The following STIM1 variants were observed in gnomAD, a reference collection of about 807,000 sequenced individuals.
STIM1 encodes the protein stromal interaction molecule 1.
In STIM1, 25 loss-of-function variants were observed where a neutral mutation model predicts 74.7. That is an observed-to-expected ratio of 0.33 (90% CI 0.24 to 0.47). The LOEUF (loss-of-function observed/expected upper bound fraction) is 0.47. Among genes scored for constraint, STIM1 ranks in the 20% least tolerant of loss-of-function variants. STIM1 has a pLI of 1.00. For synonymous variants in STIM1, 328 were observed against 348.8 expected (o/e 0.94, Z 0.66); for missense variants, 728 against 920.8 (o/e 0.79, Z 2.71).
intron 2 of STIM1, among the ~76,000 whole-genome samples, chr11:3,968,453 C>T (rs1286403617): frequency 6.6e-6 from 1 of 152,162 alleles, no homozygotes; most frequent in Non-Finnish European, 1.5e-5. Context: ...TGCCAGCCTA[C>T]CTTTGAGTTT....
chr11:3,985,113 G>A (rs1414476032), intron 2 of STIM1, among the ~76,000 whole-genome samples: 1 of 152,110 alleles, frequency 6.6e-6, no homozygotes, highest in East Asian at 1.9e-4. Flanking sequence ...TCCCCCAGAT[G>A]GTACCCCTCA....
intron 2 of STIM1, among the ~76,000 whole-genome samples, chr11:4,005,651 G>C (rs568508784): frequency 1.3e-5 from 2 of 151,932 alleles, no homozygotes; most frequent in Non-Finnish European, 2.9e-5. Context: ...AATGGGTGCA[G>C]CACACCAGCA....
intron 1 of STIM1, among the ~76,000 whole-genome samples, chr11:3,860,545 C>T (rs2090556173): frequency 6.6e-6 from 1 of 152,222 alleles, no homozygotes; most frequent in Non-Finnish European, 1.5e-5. Context: ...GAGTAAGTGA[C>T]TAACCCTGCC....
chr11:4,088,055 A>G (rs1335104764), intron 12 of STIM1, among the ~76,000 whole-genome samples: 1 of 152,090 alleles, frequency 6.6e-6, no homozygotes, highest in Non-Finnish European at 1.5e-5. Context: ...CCATTCCAGA[A>G]TACTCCGTTG....
At position 3,934,124 on chromosome 11, in the gene STIM1, G is replaced by A. The variant is rs573681874; in HGVS notation, c.140-33428G>A. On this transcript the variant is annotated intron_variant, in intron 1 of 12. Transcript: ENST00000526596. The stretch of plus-strand genomic sequence containing the variant: ...TCACAGAGTTGTCAGGGTTGTGTAC[G>A]GGGTGGGAGAGGGGTCTGTGTATAA... 7.9e-5 allele frequency among the ~76,000 whole-genome samples: 12 copies of A among 152,262 alleles called. No homozygotes were observed. The South Asian group carries it at 2.5e-3, about 32-fold the overall frequency.
At chr11:4,053,344 A>G (rs544843412) in intron 3 of STIM1, among the ~76,000 whole-genome samples, 2 of 152,340 alleles carry the variant, frequency 1.3e-5, no homozygotes, top group East Asian at 3.9e-4. Flanking sequence ...ATGTCCATCA[A>G]CGATAGATTG....
chr11:3,874,477 T>A (rs2091246104), intron 1 of STIM1, among the ~76,000 whole-genome samples: 1 of 152,256 alleles, frequency 6.6e-6, no homozygotes. Flanking sequence ...AATAATTTGC[T>A]TGATTGTCAT....
intron 1 of STIM1, among the ~76,000 whole-genome samples, chr11:3,916,471 A>G (rs2092645514): frequency 3.2e-5 from 4 of 123,394 alleles, no homozygotes; most frequent in South Asian, 5.2e-4. Flanking sequence ...TTTTTTTTTG[A>G]CGAAGTCTCA....
rs142294101 is a variant in STIM1 at position 3,965,019 on chromosome 11, C to T, written c.140-2533C>T. On this transcript the variant is annotated intron_variant, in intron 1 of 12. Transcript: ENST00000526596. Reference sequence around the variant, plus strand: ...GGATCACAGGTGTGAGCCACCACAGCCAGCCTTGGATTTCTTTCTTTTAGG... The same window carrying T: ...GGATCACAGGTGTGAGCCACCACAGTCAGCCTTGGATTTCTTTCTTTTAGG... Among the ~76,000 whole-genome samples the T allele has an allele frequency of 1.1e-4, 16 of 152,308 alleles. No homozygotes were observed. In the East Asian group the frequency reaches 3.1e-3, roughly 29 times the overall value.
intron 5 of STIM1, among the ~76,000 whole-genome samples, chr11:4,065,425 A>T (rs1334977966): frequency 6.7e-6 from 1 of 150,372 alleles, no homozygotes; most frequent in African/African-American, 2.4e-5. Context: ...AGGCATGCTC[A>T]ACTCTTTCCT....
chr11:3,912,916 G>A (rs2092588307), intron 1 of STIM1, among the ~76,000 whole-genome samples: 1 of 152,160 alleles, frequency 6.6e-6, no homozygotes, highest in African/African-American at 2.4e-5. Flanking sequence ...CTTAAAAACA[G>A]TATGTGGTGC....
intron 11 of STIM1, among the ~76,000 whole-genome samples, chr11:4,085,079 T>C (rs553712857): frequency 6.6e-6 from 1 of 151,982 alleles, no homozygotes; most frequent in South Asian, 2.1e-4. Flanking sequence ...AATGACCCCT[T>C]TCTTTTCTCT....
At chr11:4,052,916 C>T (rs551242062) in intron 3 of STIM1, among the ~76,000 whole-genome samples, 96 of 152,256 alleles carry the variant, frequency 6.3e-4, no homozygotes, top group African/African-American at 1.2e-3. Flanking sequence ...AAAAAGTAGG[C>T]GAAGGATATG....
At chr11:4,037,547 C>T (rs546116120) in intron 3 of STIM1, among the ~76,000 whole-genome samples, 11 of 152,220 alleles carry the variant, frequency 7.2e-5, no homozygotes, top group East Asian at 1.9e-4. Flanking sequence ...CTTTATCCTT[C>T]GTGGTAATCT....
At chr11:3,972,827 C>T (rs568588875) in intron 2 of STIM1, 66 of 473,010 alleles carry the variant, frequency 1.4e-4, no homozygotes, top group African/African-American at 1.3e-3. Flanking sequence ...GCCATAGCTA[C>T]TGACTGGAAC....
At chr11:3,941,485 A>G (rs543726635) in intron 1 of STIM1, among the ~76,000 whole-genome samples, 1 of 152,030 alleles carries the variant, frequency 6.6e-6, no homozygotes, top group Non-Finnish European at 1.5e-5. Flanking sequence ...TAAGCAGTAG[A>G]TGTGTAGGAC....
At chr11:3,895,761 TTCCTTC>T (rs2092126271) in intron 1 of STIM1, among the ~76,000 whole-genome samples, 1 of 74,414 alleles carries the variant, frequency 1.3e-5, no homozygotes, top group Non-Finnish European at 2.4e-5. Context: ...CCTTCCTTCC[TTCCTTC>T]CTTCCTTCCT....
chr11:4,013,690 CTTTTTT>C (rs1169600270), intron 2 of STIM1, among the ~76,000 whole-genome samples: 11 of 51,924 alleles, frequency 2.1e-4, no homozygotes, highest in African/African-American at 7.6e-4. Flanking sequence ...TCATTGATTT[CTTTTTT>C]TTTTTTTTTT....
intron 3 of STIM1, among the ~76,000 whole-genome samples, chr11:4,053,404 A>G (rs1304561251): frequency 1.3e-5 from 2 of 152,338 alleles, no homozygotes; most frequent in Non-Finnish European, 2.9e-5. Context: ...TGCAGCCATA[A>G]AAAAGGATGA....
Sources: gnomAD v4.1 joint callset for allele counts (sites outside exome capture counted in the v4.1 genomes callset) on GRCh38, gnomAD v4.1.1 for gene constraint, MANE v1.5 for transcripts, NCBI Gene and HGNC (gene_info 2026-07-23, HGNC 2026-07-21) for gene names.